Variants in PALM2AKAP2 observed in about 807,000 individuals in gnomAD.
PALM2AKAP2 encodes PALM2 and AKAP2 fusion.
Under a neutral mutation model 71.5 loss-of-function variants are expected in PALM2AKAP2, and 37 were observed. The ratio of observed to expected loss-of-function variants is 0.52; its 90% CI spans 0.40 to 0.68. PALM2AKAP2 has a LOEUF of 0.68. Among genes scored for constraint, PALM2AKAP2 ranks in the 30% least tolerant of loss-of-function variants. The probability of loss-of-function intolerance (pLI) is 0.00; values close to 1 mark genes in which losing one functional copy is unlikely to be tolerated. For missense variants in PALM2AKAP2, 1,224 were observed against 1,191.8 expected, an observed-to-expected ratio of 1.03 and a Z score of -0.40; for synonymous variants, 468 against 478.8, an observed-to-expected ratio of 0.98 and a Z score of 0.29.
At chr9:109,765,474 GATCATCATCATCATCATCATCATC>G (rs55668686) in intron 1 of PALM2AKAP2, 3 of 95,006 alleles carry the variant, frequency 3.2e-5, no homozygotes, top group Non-Finnish European at 5.8e-5. Flanking sequence ...TCATGATCAT[GATCATCATCATCATCATCATCATC>G]ATCATCATCA....
At chr9:109,929,149 A>G (rs146650768) in intron 5 of PALM2AKAP2, among the ~76,000 whole-genome samples, 492 of 152,068 alleles carry the variant, frequency 3.2e-3, no homozygotes, top group African/African-American at 0.011. Context: ...TTCAGATGGA[A>G]AATTCCCTGT....
chr9:109,753,302 G>A (rs1353461756), intron 1 of PALM2AKAP2, among the ~76,000 whole-genome samples: 4 of 152,150 alleles, frequency 2.6e-5, no homozygotes, highest in African/African-American at 9.6e-5. Flanking sequence ...GGGAATCAGA[G>A]TGGCTGGGGT....
intron 6 of PALM2AKAP2, among the ~76,000 whole-genome samples, chr9:109,959,315 C>T (rs1427973301): frequency 6.6e-6 from 1 of 152,144 alleles, no homozygotes; most frequent in Non-Finnish European, 1.5e-5. Flanking sequence ...CACTTAGCCT[C>T]TTTGCTCTGT....
At chr9:109,657,675 T>C (rs1272495051) in intron 1 of PALM2AKAP2, among the ~76,000 whole-genome samples, 5 of 152,020 alleles carry the variant, frequency 3.3e-5, no homozygotes, top group Admixed American at 6.6e-5. Flanking sequence ...AGTTAAATGA[T>C]AGGGTTTGGG....
intron 1 of PALM2AKAP2, among the ~76,000 whole-genome samples, chr9:109,673,518 A>G (rs1309221700): frequency 6.6e-6 from 1 of 152,082 alleles, no homozygotes; most frequent in Admixed American, 6.6e-5. Context: ...TTTACTTTTT[A>G]TGTGACTGAT....
At chr9:109,793,390 C>A (rs899312982) in intron 1 of PALM2AKAP2, among the ~76,000 whole-genome samples, 2 of 152,190 alleles carry the variant, frequency 1.3e-5, no homozygotes, top group Admixed American at 1.3e-4. Context: ...GGAATGCTAG[C>A]CTTCAGCAAG....
intron 1 of PALM2AKAP2, among the ~76,000 whole-genome samples, chr9:109,819,453 A>G (rs1324042887): frequency 1.3e-5 from 2 of 152,206 alleles, no homozygotes; most frequent in African/African-American, 4.8e-5. Flanking sequence ...TGGGAAGAGC[A>G]ATAACTCTTT....
At position 110,120,126 on chromosome 9, in the gene PALM2AKAP2, A is replaced by G. The variant is rs138703009; in HGVS notation, c.157-16001A>G. Among the ~76,000 whole-genome samples, 7 of 152,338 alleles carry G rather than the reference A, an allele frequency of 4.6e-5. No individual in the cohort carries two copies. In the East Asian group the frequency reaches 1.2e-3, roughly 25 times the overall value. ...TTGCATAGCATTCTATTAGTTATAC[A>G]AATCAAAATTTTCAGATGCTGATAC... On this transcript the variant is annotated intron_variant, in intron 1 of 3. Transcript: ENST00000374525.
intron 1 of PALM2AKAP2, among the ~76,000 whole-genome samples, chr9:109,694,565 G>A (rs1827941766): frequency 6.6e-6 from 1 of 151,962 alleles, no homozygotes; most frequent in Non-Finnish European, 1.5e-5. Flanking sequence ...AGATAGAAAA[G>A]TTTAAATAAA....
intron 6 of PALM2AKAP2, among the ~76,000 whole-genome samples, chr9:109,967,234 A>G (rs1831968582): frequency 6.6e-6 from 1 of 152,028 alleles, no homozygotes; most frequent in South Asian, 2.1e-4. Flanking sequence ...CCATGTGGCA[A>G]GGGGCTCTTC....
chr9:109,933,746 T>C (rs1831161133), intron 6 of PALM2AKAP2, among the ~76,000 whole-genome samples: 1 of 152,244 alleles, frequency 6.6e-6, no homozygotes, highest in African/African-American at 2.4e-5. Flanking sequence ...TTCTGCTGAT[T>C]AGTTAAGAGT....
chr9:109,700,834 T>A (rs1283887771), intron 1 of PALM2AKAP2, among the ~76,000 whole-genome samples: 1 of 152,146 alleles, frequency 6.6e-6, no homozygotes, highest in Non-Finnish European at 1.5e-5. Flanking sequence ...TTTTCACCAC[T>A]CTCTTATGTT....
At chr9:109,986,723 T>C (rs1346322629) in intron 6 of PALM2AKAP2, among the ~76,000 whole-genome samples, 3 of 152,254 alleles carry the variant, frequency 2.0e-5, no homozygotes, top group African/African-American at 7.2e-5. Flanking sequence ...CTTGCCTTTC[T>C]TTTCCTTGAA....
intron 1 of PALM2AKAP2, among the ~76,000 whole-genome samples, chr9:109,745,573 C>T (rs777221137): frequency 4.0e-5 from 6 of 151,818 alleles, no homozygotes; most frequent in South Asian, 4.1e-4. Flanking sequence ...CCTGTCTTGT[C>T]GTGTCCTGTT....
intron 6 of PALM2AKAP2, among the ~76,000 whole-genome samples, chr9:110,004,126 G>C (rs1054312647): frequency 1.3e-5 from 2 of 152,150 alleles, no homozygotes; most frequent in African/African-American, 4.8e-5. Context: ...TTCTAGCATC[G>C]ATGGTCTTTA....
At chr9:110,147,613 G>C (rs1437627121) in intron 2 of PALM2AKAP2, among the ~76,000 whole-genome samples, 1 of 151,470 alleles carries the variant, frequency 6.6e-6, no homozygotes, top group African/African-American at 2.4e-5. Flanking sequence ...CTGTTTCTAC[G>C]GGGGGAAAAA....
intron 3 of PALM2AKAP2, among the ~76,000 whole-genome samples, chr9:109,881,876 CTTTTTTTTTTTTT>C (rs565835467): frequency 3.7e-4 from 35 of 95,114 alleles, no homozygotes; most frequent in Middle Eastern, 5.8e-3. Context: ...CTTATGAGCT[CTTTTTTTTTTTTT>C]TTTTTTTTTT....
intron 6 of PALM2AKAP2, among the ~76,000 whole-genome samples, chr9:109,998,630 GGA>G (rs1398462497): frequency 7.1e-6 from 1 of 141,050 alleles, no homozygotes; most frequent in African/African-American, 2.5e-5. Context: ...CCAGGGCGGG[GGA>G]GTGGGGAGCC....
At chr9:109,892,404 A>G (rs948620194) in intron 3 of PALM2AKAP2, among the ~76,000 whole-genome samples, 18 of 152,200 alleles carry the variant, frequency 1.2e-4, no homozygotes, top group African/African-American at 4.8e-5. Flanking sequence ...TCCTTAAATT[A>G]ATTACATCTA....
Sources: allele counts gnomAD v4.1 joint callset (sites outside exome capture counted in the v4.1 genomes callset), GRCh38; gene constraint gnomAD v4.1.1; transcripts MANE v1.5; gene names NCBI Gene and HGNC (gene_info 2026-07-23, HGNC 2026-07-21).